NOX4: variants seen among roughly 807,000 people sequenced by gnomAD.
NOX4 encodes the protein kidney oxidase-1.
NOX4 carries 69 observed loss-of-function variants against 87.6 expected under a neutral mutation model. That is an observed-to-expected ratio of 0.79 (90% confidence interval 0.65 to 0.96). The LOEUF is 0.96. Among genes scored for constraint, NOX4 ranks in the 40% least tolerant of loss-of-function variants. The probability of loss-of-function intolerance (pLI) is 0.00; values close to 1 mark genes in which losing one functional copy is unlikely to be tolerated. For missense variants in NOX4, 680 were observed against 681.5 expected (o/e 1.00, Z 0.02); for synonymous variants, 275 against 238.2 (o/e 1.15, Z -1.42).
the NOX4 span, among the ~76,000 whole-genome samples, chr11:89,566,142 A>T: frequency 1.3e-5 from 2 of 149,236 alleles, no homozygotes; most frequent in Non-Finnish European, 3.0e-5. Flanking sequence ...TACCGGGTTC[A>T]CGCCATTCTC....
chr11:89,514,138 A>C, the NOX4 span, among the ~76,000 whole-genome samples: 3 of 152,086 alleles, frequency 2.0e-5, no homozygotes, highest in Admixed American at 2.0e-4. Flanking sequence ...CTTCATGATC[A>C]TGGGGTGGGT....
chr11:89,369,304 T>C (rs766158588), intron 12 of NOX4, among the ~76,000 whole-genome samples: 11 of 151,954 alleles, frequency 7.2e-5, no homozygotes, highest in African/African-American at 1.2e-4. Flanking sequence ...TGGGAGGACA[T>C]AGGGTATAGG....
At chr11:89,584,569 TC>T in the NOX4 span, among the ~76,000 whole-genome samples, 1 of 152,258 alleles carries the variant, frequency 6.6e-6, no homozygotes, top group Non-Finnish European at 1.5e-5. Flanking sequence ...TCACTTGAAA[TC>T]CAAACAGTTT....
At chr11:89,433,764 A>T (rs1943937680) in intron 6 of NOX4, among the ~76,000 whole-genome samples, 1 of 152,054 alleles carries the variant, frequency 6.6e-6, no homozygotes, top group Admixed American at 6.6e-5. Context: ...TTGTTTTTTT[A>T]AAATAATAAA....
the NOX4 span, among the ~76,000 whole-genome samples, chr11:89,549,711 A>G: frequency 6.6e-6 from 1 of 152,004 alleles, no homozygotes; most frequent in Non-Finnish European, 1.5e-5. Context: ...TCACTATTCA[A>G]CTCCTACTTA....
At position 89,462,689 on chromosome 11, in the gene NOX4, A is replaced by T. The variant is rs563366762; in HGVS notation, c.154-10794T>A. 3.9e-5 allele frequency among the ~76,000 whole-genome samples: 6 copies of T among 152,202 alleles called. No homozygotes were observed. The South Asian group carries it at 1.0e-3, about 26-fold the overall frequency. On this transcript the variant is annotated intron_variant, in intron 2 of 17. Transcript: ENST00000263317. ...TCCTTGTTTCAAACCACCCCAAAAC[A>T]TTAGTTCCTGAATAGTTAAGAACTT...
the NOX4 span, among the ~76,000 whole-genome samples, chr11:89,585,114 C>T: frequency 7.2e-5 from 11 of 152,202 alleles, no homozygotes; most frequent in East Asian, 7.7e-4. Context: ...CTTACACCGG[C>T]GCTTATAGAA....
chr11:89,328,619 A>T lies in NOX4; in HGVS notation c.1617-1743T>A, dbSNP rs1488349618. Among the ~76,000 whole-genome samples the T allele has an allele frequency of 7.9e-5, 12 of 152,280 alleles. No homozygotes were observed. In the East Asian group the frequency reaches 2.1e-3, roughly 27 times the overall value. ...CAGAAATCAACAAAAAAGTACCAGG[A>T]ATTCAAAAAGCAAGAAAGTATGAAC... On this transcript the variant is annotated intron_variant, in intron 17 of 17. Coordinates refer to ENST00000263317, the MANE Select transcript of NOX4 (RefSeq NM_016931.5).
At chr11:89,399,432 AATAT>A (rs1208007737) in intron 11 of NOX4, among the ~76,000 whole-genome samples, 2,360 of 75,510 alleles carry the variant, frequency 0.031, 43 homozygotes, top group African/African-American at 0.076. Flanking sequence ...CAAGAAATTA[AATAT>A]ATATATATAT....
At chr11:89,411,909 G>C (rs1942500793) in intron 8 of NOX4, among the ~76,000 whole-genome samples, 3 of 152,090 alleles carry the variant, frequency 2.0e-5, no homozygotes. Context: ...CCAATGATCT[G>C]CTGGTTACAA....
chr11:89,418,528 A>T (rs1428756429), intron 8 of NOX4, among the ~76,000 whole-genome samples: 2 of 151,220 alleles, frequency 1.3e-5, no homozygotes, highest in African/African-American at 2.4e-5. Flanking sequence ...CATTCAATTA[A>T]TATTAATTGT....
At chr11:89,383,906 A>G (rs1940489670) in intron 11 of NOX4, among the ~76,000 whole-genome samples, 1 of 151,958 alleles carries the variant, frequency 6.6e-6, no homozygotes, top group Non-Finnish European at 1.5e-5. Flanking sequence ...CTCCTTGGGG[A>G]CTGATCATGC....
the NOX4 span, chr11:89,547,992 T>C: frequency 3.3e-5 from 5 of 151,118 alleles, no homozygotes; most frequent in Non-Finnish European, 5.9e-5. Context: ...CAACAGTAAC[T>C]AAAAAGAAAA....
At chr11:89,561,320 C>A in the NOX4 span, among the ~76,000 whole-genome samples, 1 of 151,426 alleles carries the variant, frequency 6.6e-6, no homozygotes, top group African/African-American at 2.4e-5. Flanking sequence ...TGAAGTGCAA[C>A]CCAGCAGGTA....
chr11:89,526,093 T>C, the NOX4 span, among the ~76,000 whole-genome samples: 5 of 152,330 alleles, frequency 3.3e-5, no homozygotes, highest in African/African-American at 1.2e-4. Flanking sequence ...TCATAACTAA[T>C]ACAGCCTTAT....
In NOX4 at chr11:89,324,433, C is replaced by T. The variant is rs1314678884; in HGVS notation, c.*2323G>A. The T allele has an allele frequency of 6.6e-6, 1 of 152,122 alleles. No individual in the cohort carries two copies. The highest frequency in any genetic ancestry group is 1.5e-5 in the Non-Finnish European group (1 of 68,022). 9.4% of individuals were successfully genotyped at this position (152,122 alleles called of 1,614,324 possible). On this transcript the variant is annotated 3_prime_UTR_variant, in exon 18 of 18. Coordinates refer to ENST00000263317, the MANE Select transcript of NOX4 (RefSeq NM_016931.5). ...AGAATGATCCCCAGAGAAATAATCC[C>T]TCAAAATAAAACAAAGTTCTCTTAA...
At chr11:89,512,157 C>T in the NOX4 span, among the ~76,000 whole-genome samples, 1 of 152,074 alleles carries the variant, frequency 6.6e-6, no homozygotes, top group East Asian at 1.9e-4. Context: ...TTAATGTGTA[C>T]ATTTTAAAGA....
chr11:89,444,260 G>A (rs1271456895), intron 4 of NOX4, 28 bp from the exon 5 acceptor site: 41 of 1,588,578 alleles, frequency 2.6e-5, no homozygotes, highest in Admixed American at 3.3e-5. Context: ...GGGTAAGTTA[G>A]TGGGATTTGC....
chr11:89,437,019 T>C (rs916974106), intron 6 of NOX4, among the ~76,000 whole-genome samples: 4 of 152,072 alleles, frequency 2.6e-5, no homozygotes, highest in Admixed American at 6.6e-5. Context: ...TAGAAGACTC[T>C]ATGTAATATT....
Sources: allele counts gnomAD v4.1 joint callset (sites outside exome capture counted in the v4.1 genomes callset), GRCh38; gene constraint gnomAD v4.1.1; transcripts MANE v1.5; gene names NCBI Gene and HGNC (gene_info 2026-07-23, HGNC 2026-07-21).